ANKRD10: variants seen among roughly 807,000 people sequenced by gnomAD.
The protein encoded by ANKRD10 is ankyrin repeat domain-containing protein 10.
Under a neutral mutation model 27.0 loss-of-function variants are expected in ANKRD10, and 14 were observed. The ratio of observed to expected loss-of-function variants is 0.52; its 90% confidence interval spans 0.34 to 0.81. The LOEUF (loss-of-function observed/expected upper bound fraction) is 0.81, where lower values mean the gene tolerates loss of function less well. Ranked by LOEUF, ANKRD10 falls within the 40% of genes least tolerant of loss-of-function variation. The probability of loss-of-function intolerance (pLI) is 0.01; values close to 1 mark genes in which losing one functional copy is unlikely to be tolerated. For missense variants in ANKRD10, 493 were observed against 544.0 expected (o/e 0.91, Z 0.93); for synonymous variants, 250 against 224.5 (o/e 1.11, Z -1.01).
At chr13:110,897,456 G>A (rs375428809) in intron 3 of ANKRD10, among the ~76,000 whole-genome samples, 21 of 151,814 alleles carry the variant, frequency 1.4e-4, no homozygotes, top group African/African-American at 4.8e-4. Context: ...CATAAGTACA[G>A]TACATGGAGT....
rs1182160329 is a variant in ANKRD10 at position 110,914,664 on chromosome 13, G to A, written c.210+61C>T. On this transcript the variant is annotated intron_variant, in intron 1 of 5. Coordinates refer to ENST00000267339, the MANE Select transcript of ANKRD10 (RefSeq NM_017664.4). ...CCCACGTCCCCCGCACCTCAGACCCGCTTTCCCCGACTCCCACTGGACAGC... is the reference window on the plus strand; with the variant it reads ...CCCACGTCCCCCGCACCTCAGACCCACTTTCCCCGACTCCCACTGGACAGC... The A allele has an allele frequency of 5.3e-6, 8 of 1,507,600 alleles. No individual in the cohort carries two copies. The Admixed American group carries it at 6.2e-5, about 12-fold the overall frequency. 93.4% of individuals were successfully genotyped at this position (1,507,600 alleles called of 1,614,324 possible). A position where few individuals can be genotyped will look rare whatever the true frequency, so the allele number is the denominator to read the frequency against.
chr13:110,906,930 A>T (rs1196908566), intron 2 of ANKRD10, among the ~76,000 whole-genome samples: 1 of 152,172 alleles, frequency 6.6e-6, no homozygotes, highest in Non-Finnish European at 1.5e-5. Flanking sequence ...TCTACACTGC[A>T]TGAATGAAAC....
chr13:110,905,972 C>CTTTAAT, intron 3 of ANKRD10, 61 bp downstream of exon 3: 1 of 1,465,968 alleles, frequency 6.8e-7, no homozygotes, highest in Non-Finnish European at 9.3e-7. Context: ...TATGTACTGC[C>CTTTAAT]TTTAAACAAA....
At chr13:110,906,007 G>A in intron 3 of ANKRD10, 26 bp downstream of exon 3, 1 of 1,557,316 alleles carries the variant, frequency 6.4e-7, no homozygotes, top group Non-Finnish European at 8.7e-7. Context: ...ATCTTTAGCT[G>A]GAAAGAATAA....
intron 3 of ANKRD10, among the ~76,000 whole-genome samples, chr13:110,896,281 T>C (rs2065224331): frequency 6.6e-6 from 1 of 152,228 alleles, no homozygotes; most frequent in Non-Finnish European, 1.5e-5. Flanking sequence ...CCAGCACCCT[T>C]TCTCTGCTTC....
chr13:110,905,429 G>A (rs150665081), intron 3 of ANKRD10, among the ~76,000 whole-genome samples: 9 of 152,234 alleles, frequency 5.9e-5, no homozygotes, highest in African/African-American at 9.6e-5. Flanking sequence ...GGGCTAAAAC[G>A]AAAGATATTT....
chr13:110,885,051 A>T lies in ANKRD10; in HGVS notation c.692-1258T>A, dbSNP rs188244967. ...TTGTGTAGTTGGGGGGATGGGGGGT[A>T]GTCAGAAGTCTGATTAGGTAGGAGG... On this transcript the variant is annotated intron_variant, in intron 4 of 5. Coordinates refer to ENST00000267339, the MANE Select transcript of ANKRD10 (RefSeq NM_017664.4). Among the ~76,000 whole-genome samples, 9 of 152,278 alleles carry T rather than the reference A, an allele frequency of 5.9e-5. No homozygotes were observed. The South Asian group carries it at 1.0e-3, about 18-fold the overall frequency.
At chr13:110,888,142 G>A (rs966656376) in intron 4 of ANKRD10, among the ~76,000 whole-genome samples, 2 of 151,914 alleles carry the variant, frequency 1.3e-5, no homozygotes, top group African/African-American at 4.8e-5. Context: ...ACAAAGGACA[G>A]AGAAGGGAAC....
intron 4 of ANKRD10, chr13:110,892,718 A>G (rs1057186091): frequency 9.8e-6 from 10 of 1,019,508 alleles, no homozygotes; most frequent in Non-Finnish European, 1.2e-5. Context: ...GATTTTCTTT[A>G]ATAGATATAT....
chr13:110,911,039 C>T (rs1053855970), intron 1 of ANKRD10, among the ~76,000 whole-genome samples: 1 of 152,196 alleles, frequency 6.6e-6, no homozygotes, highest in Non-Finnish European at 1.5e-5. Context: ...TGTTTCCCTA[C>T]AATTGAATAA....
intron 1 of ANKRD10, among the ~76,000 whole-genome samples, chr13:110,912,587 T>G (rs1380837411): frequency 6.6e-6 from 1 of 152,182 alleles, no homozygotes; most frequent in Non-Finnish European, 1.5e-5. Context: ...ATTTAGAAAC[T>G]TGGATTTGGA....
rs952644141 is a variant in ANKRD10 at position 110,879,651 on chromosome 13, G to A, written c.1249C>T (p.His417Tyr). The change falls in exon 6 of 6, where the codon CAC (histidine) becomes TAC (tyrosine). Residue 417 changes from histidine to tyrosine, a missense_variant. By Grantham distance (83) the His-to-Tyr change is moderately conservative (BLOSUM62 2). Transcript: ENST00000267339. ...GGTCAGCGTCTCTAGGAGCCGTGGTGCAGGTGCATGGTGCCCAGCACGGCA... is the reference window on the plus strand; with the variant it reads ...GGTCAGCGTCTCTAGGAGCCGTGGTACAGGTGCATGGTGCCCAGCACGGCA... ...DSAVLGTMHL[H>Y]HGS The A allele has an allele frequency of 2.5e-6, 4 of 1,611,862 alleles. No homozygotes were observed. Among genetic ancestry groups the A allele is most frequent in the Admixed American group, 3.3e-5 (2 of 59,942 alleles).
intron 4 of ANKRD10, among the ~76,000 whole-genome samples, chr13:110,888,415 T>C (rs539709069): frequency 6.6e-6 from 1 of 152,048 alleles, no homozygotes; most frequent in African/African-American, 2.4e-5. Flanking sequence ...AATCACTCCT[T>C]ATTTGAACAC....
At chr13:110,906,216 T>C (rs2065528695) in intron 2 of ANKRD10, 92 bp from the exon 3 acceptor site, 1 of 966,882 alleles carries the variant, frequency 1.0e-6, no homozygotes, top group South Asian at 1.6e-5. Flanking sequence ...AGAGACCTTC[T>C]CATCCTTTTT....
intron 3 of ANKRD10, among the ~76,000 whole-genome samples, chr13:110,904,700 G>A (rs1195298215): frequency 1.3e-5 from 2 of 152,166 alleles, no homozygotes; most frequent in East Asian, 1.9e-4. Context: ...TCATCTCAAT[G>A]TTCTACTAGT....
chr13:110,908,511 A>G (rs1377268068), intron 2 of ANKRD10, among the ~76,000 whole-genome samples: 1 of 152,234 alleles, frequency 6.6e-6, no homozygotes, highest in Non-Finnish European at 1.5e-5. Context: ...TAACATGCCA[A>G]AAGATTAACA....
intron 1 of ANKRD10, among the ~76,000 whole-genome samples, chr13:110,911,442 T>C (rs1040573072): frequency 8.1e-6 from 1 of 123,546 alleles, no homozygotes; most frequent in Non-Finnish European, 1.7e-5. Flanking sequence ...ACAGAGCAAG[T>C]CTCCATCTCA....
intron 1 of ANKRD10, chr13:110,914,475 C>T: frequency 2.9e-6 from 1 of 345,962 alleles, no homozygotes; most frequent in Non-Finnish European, 5.0e-6. Context: ...CGCACATGCG[C>T]CCTAGGCCCC....
At chr13:110,889,926 C>CT (rs776325180) in intron 4 of ANKRD10, among the ~76,000 whole-genome samples, 31 of 152,222 alleles carry the variant, frequency 2.0e-4, no homozygotes, top group African/African-American at 5.8e-4. Context: ...GCACCTGTAA[C>CT]TTTTTTTGTT....
Sources: gnomAD v4.1 joint callset for allele counts (sites outside exome capture counted in the v4.1 genomes callset) on GRCh38, gnomAD v4.1.1 for gene constraint, MANE v1.5 for transcripts, NCBI Gene and HGNC (gene_info 2026-07-23, HGNC 2026-07-21) for gene names.